The following PIEZO2 variants were observed in gnomAD, a reference collection of about 807,000 sequenced individuals.
PIEZO2 encodes the protein piezo type mechanosensitive ion channel component 2, also known as piezo-type mechanosensitive ion channel component 2.
PIEZO2 carries 172 observed loss-of-function variants against 337.3 expected under a neutral mutation model. The observed-to-expected ratio is 0.51, with a 90% CI of 0.45 to 0.58. PIEZO2 has a LOEUF of 0.58. Ranked by LOEUF, PIEZO2 falls within the 20% of genes least tolerant of loss-of-function variation. The pLI is 0.00. For missense variants in PIEZO2, 3,028 were observed against 3,391.3 expected, an observed-to-expected ratio of 0.89 and a Z score of 2.66; for synonymous variants, 1,251 against 1,228.5, an observed-to-expected ratio of 1.02 and a Z score of -0.38.
intron 5 of PIEZO2, among the ~76,000 whole-genome samples, chr18:10,866,013 AAAAG>A (rs2041996137): frequency 6.6e-6 from 1 of 152,226 alleles, no homozygotes; most frequent in Non-Finnish European, 1.5e-5. Context: ...TATTGATCTA[AAAAG>A]ATAGTTAAAG....
chr18:10,998,211 A>G (rs946129901), intron 2 of PIEZO2, among the ~76,000 whole-genome samples: 1 of 152,134 alleles, frequency 6.6e-6, no homozygotes, highest in Non-Finnish European at 1.5e-5. Flanking sequence ...GAGGAAGGAA[A>G]ATTAACCTGC....
intron 7 of PIEZO2, among the ~76,000 whole-genome samples, chr18:10,829,474 A>G (rs905064118): frequency 3.9e-5 from 6 of 152,242 alleles, no homozygotes; most frequent in African/African-American, 1.4e-4. Flanking sequence ...AGAGGAAGAA[A>G]TAAAAGCATC....
Position 10,915,897 on chromosome 18 carries a change from T to C in PIEZO2, c.287-4669A>G, listed in dbSNP as rs545116859. On this transcript the variant is annotated intron_variant, in intron 3 of 55. Coordinates refer to ENST00000674853, the MANE Select transcript of PIEZO2 (RefSeq NM_001378183.1). Reference sequence around the variant, plus strand: ...TCTAGATTAGCTAGACACAGAGTGCTGATTGGTGCATTTACAAACCTTTAG... The same window carrying C: ...TCTAGATTAGCTAGACACAGAGTGCCGATTGGTGCATTTACAAACCTTTAG... Among the ~76,000 whole-genome samples, 39 of 151,836 alleles carry C rather than the reference T, an allele frequency of 2.6e-4. No individual in the cohort carries two copies. In the South Asian group the frequency reaches 7.3e-3, roughly 28 times the overall value.
At chr18:10,732,284 A>G (rs1377792754) in intron 35 of PIEZO2, among the ~76,000 whole-genome samples, 1 of 152,218 alleles carries the variant, frequency 6.6e-6, no homozygotes, top group African/African-American at 2.4e-5. Context: ...AGCAACAAGA[A>G]GCCAAGCAGG....
intron 2 of PIEZO2, among the ~76,000 whole-genome samples, chr18:11,030,761 C>T (rs1411758782): frequency 6.6e-6 from 1 of 152,108 alleles, no homozygotes; most frequent in Non-Finnish European, 1.5e-5. Context: ...AAAGAACTCA[C>T]TCATTGAGAC....
At chr18:11,079,501 A>G (rs1435045560) in intron 1 of PIEZO2, among the ~76,000 whole-genome samples, 1 of 151,756 alleles carries the variant, frequency 6.6e-6, no homozygotes, top group Non-Finnish European at 1.5e-5. Flanking sequence ...TTCTAGCCAA[A>G]CTCCCCTATT....
chr18:11,090,263 A>C (rs9963328), intron 1 of PIEZO2, among the ~76,000 whole-genome samples: 44,088 of 151,834 alleles, frequency 0.29, 7,717 homozygotes, highest in African/African-American at 0.47. Flanking sequence ...TTAAATGACA[A>C]GAAAGAAATA....
At position 10,744,237 on chromosome 18, in the gene PIEZO2, G is replaced by A. The variant is rs1243598030; in HGVS notation, c.4425-6C>T. The A allele has an allele frequency of 2.0e-6, 3 of 1,504,894 alleles. No individual in the cohort carries two copies. The highest frequency in any genetic ancestry group is 2.7e-6 in the Non-Finnish European group (3 of 1,117,830). 93.2% of individuals were successfully genotyped at this position (1,504,894 alleles called of 1,614,324 possible). A position where few individuals can be genotyped will look rare whatever the true frequency, so the allele number is the denominator to read the frequency against. On this transcript the variant is annotated splice_polypyrimidine_tract_variant and splice_region_variant and intron_variant, in intron 30 of 55. Coordinates refer to ENST00000674853, the MANE Select transcript of PIEZO2 (RefSeq NM_001378183.1). ...CCTGGAAAAGTTCAGCTCCTCTAAA[G>A]GGAAAGTGGAAACATGAACAAGTCA... is the stretch of plus-strand genomic sequence containing the variant.
At chr18:10,886,508 ACAT>A in intron 4 of PIEZO2, among the ~76,000 whole-genome samples, 1 of 119,688 alleles carries the variant, frequency 8.4e-6, no homozygotes, top group Non-Finnish European at 1.7e-5. Context: ...ACGCATATAC[ACAT>A]TATATATATA....
At chr18:10,749,015 C>G (rs1320391847) in intron 29 of PIEZO2, among the ~76,000 whole-genome samples, 1 of 151,878 alleles carries the variant, frequency 6.6e-6, no homozygotes, top group Non-Finnish European at 1.5e-5. Context: ...TGGGCTATAC[C>G]CAGGGGTAAC....
rs142430054 is a variant in PIEZO2 at position 11,048,433 on chromosome 18, C to T, written c.160+17694G>A. ...AATGCATATTTTGTACCAGTATTCT[C>T]AGTGTGTTTATTTGACTTCCCTGCT... On this transcript the variant is annotated intron_variant, in intron 2 of 55. Transcript: ENST00000674853. The surrounding 1 kb of genome is among the most constrained non-coding windows in gnomAD (Gnocchi z 4.5). Among the ~76,000 whole-genome samples the T allele has an allele frequency of 6.6e-6, 1 of 152,266 alleles. No homozygotes were observed. The highest frequency in any genetic ancestry group is 2.4e-5 in the African/African-American group (1 of 41,548).
At chr18:10,782,133 T>C (rs2039006610) in intron 17 of PIEZO2, among the ~76,000 whole-genome samples, 1 of 142,670 alleles carries the variant, frequency 7.0e-6, no homozygotes, top group South Asian at 2.1e-4. Flanking sequence ...GAACATTTTA[T>C]ATATTATATG....
At position 10,824,746 on chromosome 18, in the gene PIEZO2, C is replaced by A. The variant is rs1245343084; in HGVS notation, c.918-17472G>T. On this transcript the variant is annotated intron_variant, in intron 7 of 55. Coordinates refer to ENST00000674853, the MANE Select transcript of PIEZO2 (RefSeq NM_001378183.1). This position sits in a 1 kb window ranked among gnomAD's most constrained non-coding sequence, Gnocchi z 4.4. ...AATTCTCTATACCCATTTTCCTCGA[C>A]TGTTAAATCTTACATTAGTATGATA... 6.6e-6 allele frequency among the ~76,000 whole-genome samples: 1 copy of A among 152,142 alleles called. No homozygotes were observed. Among genetic ancestry groups the A allele is most frequent in the East Asian group, 1.9e-4 (1 of 5,188 alleles).
intron 2 of PIEZO2, among the ~76,000 whole-genome samples, chr18:11,051,477 G>C (rs2037535834): frequency 1.3e-5 from 2 of 152,022 alleles, no homozygotes; most frequent in Admixed American, 1.3e-4. Context: ...GTGTTGCCCA[G>C]GAAGTGTAGT....
intron 3 of PIEZO2, among the ~76,000 whole-genome samples, chr18:10,944,470 T>TTATATATATCTTAGTAACATATATATA (rs1394738477): frequency 7.0e-6 from 1 of 143,086 alleles, no homozygotes; most frequent in Non-Finnish European, 1.5e-5. Context: ...CAGTGACAGA[T>TTATATATATCTTAGTAACATATATATA]TATATATATC....
Position 10,768,476 on chromosome 18 carries a change from C to T in PIEZO2, c.2946+1672G>A, listed in dbSNP as rs572994897. Reference sequence around the variant, plus strand: ...GAGACCAAAGCTTCAGGGCCGGAAACCCCCCATGCAGGTGGGGTGACATCA... The same window carrying T: ...GAGACCAAAGCTTCAGGGCCGGAAATCCCCCATGCAGGTGGGGTGACATCA... On this transcript the variant is annotated intron_variant, in intron 21 of 55. Coordinates refer to ENST00000674853, the MANE Select transcript of PIEZO2 (RefSeq NM_001378183.1). 2.6e-5 allele frequency among the ~76,000 whole-genome samples: 4 copies of T among 152,290 alleles called. No homozygotes were observed. The South Asian group carries it at 8.3e-4, about 32-fold the overall frequency.
rs181374959 is a variant in PIEZO2, at chr18:11,086,708, C to T, written c.65-20486G>A. 3.6e-4 allele frequency among the ~76,000 whole-genome samples: 54 copies of T among 151,750 alleles called. No individual in the cohort carries two copies. In the East Asian group the frequency reaches 9.9e-3, roughly 28 times the overall value. Reference sequence around the variant, plus strand: ...ATATTGTGATAATGGATCCCTGCTGCTCCAGCCAAACTTTCTTACAATAAA... The same window carrying T: ...ATATTGTGATAATGGATCCCTGCTGTTCCAGCCAAACTTTCTTACAATAAA... On this transcript the variant is annotated intron_variant, in intron 1 of 55. Coordinates refer to ENST00000674853, the MANE Select transcript of PIEZO2 (RefSeq NM_001378183.1).
At chr18:10,714,647 G>A in intron 39 of PIEZO2, 117 bp downstream of exon 39, 1 of 1,133,606 alleles carries the variant, frequency 8.8e-7, no homozygotes, top group Non-Finnish European at 1.2e-6. Context: ...GGAAGAGGGT[G>A]GGGGTCCATG....
chr18:10,759,960 G>C lies in PIEZO2; in HGVS notation c.3451-51C>G. 6.7e-7 allele frequency: 1 copy of C among 1,489,156 alleles called. No homozygotes were observed. The highest frequency in any genetic ancestry group is 2.5e-5 in the East Asian group (1 of 40,516). 92.2% of individuals were successfully genotyped at this position (1,489,156 alleles called of 1,614,324 possible). ...AAAAAAAAATCAGGCATATGGGAAA[G>C]GGGACTGGTGATAGGTGTCAGGTCT... On this transcript the variant is annotated intron_variant, in intron 24 of 55. Transcript: ENST00000674853. The surrounding 1 kb of genome is among the most constrained non-coding windows in gnomAD (Gnocchi z 5.5).
Sources: gnomAD v4.1 joint callset for allele counts (sites outside exome capture counted in the v4.1 genomes callset) on GRCh38, gnomAD v4.1.1 for gene constraint, Gnocchi (gnomAD v3.1) non-coding constraint, MANE v1.5 for transcripts, NCBI Gene and HGNC (gene_info 2026-07-23, HGNC 2026-07-21) for gene names.